LCOR: variants seen among roughly 807,000 people sequenced by gnomAD.
The protein encoded by LCOR is ligand-dependent corepressor.
LCOR carries 14 observed loss-of-function variants against 64.4 expected under a neutral mutation model. That is an observed-to-expected ratio of 0.22 (90% CI 0.14 to 0.34). The LOEUF (loss-of-function observed/expected upper bound fraction) is 0.34, where lower values mean the gene tolerates loss of function less well. Among genes scored for constraint, LCOR ranks in the 10% least tolerant of loss-of-function variants. LCOR has a pLI of 1.00. For missense variants in LCOR, 1,686 were observed against 1,765.3 expected (o/e 0.96, Z 0.80); for synonymous variants, 643 against 642.5 (o/e 1.00, Z -0.01).
chr10:96,875,489 A>T (rs1401761901), intron 2 of LCOR, among the ~76,000 whole-genome samples: 1 of 152,120 alleles, frequency 6.6e-6, no homozygotes, highest in African/African-American at 2.4e-5. Flanking sequence ...AGTGGGATTC[A>T]GCTGCCCTAG....
chr10:96,856,869 A>C (rs1337956746), intron 2 of LCOR, among the ~76,000 whole-genome samples: 1 of 152,018 alleles, frequency 6.6e-6, no homozygotes, highest in East Asian at 1.9e-4. Flanking sequence ...AAAAAAAGTA[A>C]AAAAAATTAT....
At chr10:96,837,004 T>C (rs988955979) in intron 2 of LCOR, among the ~76,000 whole-genome samples, 5 of 151,960 alleles carry the variant, frequency 3.3e-5, no homozygotes, top group African/African-American at 1.2e-4. Context: ...TTTTTTTTTT[T>C]TTTTTGAGAC....
chr10:96,958,656 T>C, intron 7 of LCOR: 1 of 553,392 alleles, frequency 1.8e-6, no homozygotes, highest in Non-Finnish European at 3.2e-6. Flanking sequence ...CTTTTAAACA[T>C]TACACTTGAG....
At chr10:96,897,899 ATC>A (rs1846568457) in intron 2 of LCOR, among the ~76,000 whole-genome samples, 1 of 126,694 alleles carries the variant, frequency 7.9e-6, no homozygotes, top group Non-Finnish European at 1.7e-5. Flanking sequence ...TTGGTCAGAT[ATC>A]TGTTACCCTT....
In LCOR at chr10:96,877,598, ATTTTTTTTTTTTT is replaced by A. The variant is rs57119025; in HGVS notation, c.-329-29648_-329-29636del. 6.2e-4 allele frequency among the ~76,000 whole-genome samples: 41 copies of A among 65,694 alleles called. 1 individual carries two copies. Among genetic ancestry groups the A allele is most frequent in the South Asian group, 2.7e-3 (3 of 1,130 alleles). 43.1% of individuals were successfully genotyped at this position (65,694 alleles called of 152,430 possible). A position where few individuals can be genotyped will look rare whatever the true frequency, so the allele number is the denominator to read the frequency against. On this transcript the variant is annotated intron_variant, in intron 2 of 7. Transcript: ENST00000421806. ...CAAGGGTGTCAACTCATTTTTCTGA[ATTTTTTTTTTTTT>A]TTTTTTTTTTTTTTTTTTGAGACGG...
Position 96,982,542 on chromosome 10 carries a change from A to T in LCOR, c.2082A>T (p.Glu694Asp). The T allele has an allele frequency of 1.2e-6, 2 of 1,614,172 alleles. No individual in the cohort carries two copies. Among genetic ancestry groups the T allele is most frequent in the South Asian group, 2.2e-5 (2 of 91,086 alleles). ...TTTCTAGGCCTCATTCTCCTCCTGA[A>T]ATAGTCAGTAGAGAAGAAAGTCCTC... ...DVISRPHSPP[E>D]IVSREESPQC... Residue 694 changes from glutamate (E) to aspartate (D), a missense_variant, in exon 8 of 8, where the codon GAA (glutamate) becomes GAT (aspartate). By Grantham distance (45) the Glu-to-Asp change is conservative. Around this residue, in one of 3 missense-constraint regions of LCOR, gnomAD observed 1,293 missense variants for 1,410.4 expected, o/e 0.92. Coordinates refer to ENST00000421806, the MANE Select transcript of LCOR (RefSeq NM_001346516.2).
intron 2 of LCOR, among the ~76,000 whole-genome samples, chr10:96,905,558 A>G (rs1327968588): frequency 1.3e-5 from 2 of 152,178 alleles, no homozygotes; most frequent in Non-Finnish European, 2.9e-5. Flanking sequence ...GGCAGTATCT[A>G]GCATTTTCTT....
chr10:96,904,152 A>G (rs1846688083), intron 2 of LCOR, among the ~76,000 whole-genome samples: 1 of 152,224 alleles, frequency 6.6e-6, no homozygotes. Context: ...CCTGTTGAAC[A>G]GTCCCTGGCA....
intron 4 of LCOR, among the ~76,000 whole-genome samples, chr10:96,926,735 C>T (rs546704980): frequency 1.3e-5 from 2 of 152,244 alleles, no homozygotes; most frequent in South Asian, 4.1e-4. Context: ...CCCAGACCTG[C>T]ACAATTATGA....
intron 4 of LCOR, among the ~76,000 whole-genome samples, chr10:96,908,816 C>T (rs1011174122): frequency 5.3e-5 from 8 of 151,928 alleles, no homozygotes; most frequent in Admixed American, 4.6e-4. Context: ...TCCGGGTTTA[C>T]GCCATTCTCC....
intron 7 of LCOR, chr10:96,954,945 C>T: frequency 6.2e-7 from 1 of 1,611,162 alleles, no homozygotes; most frequent in Non-Finnish European, 8.5e-7. Flanking sequence ...TTCCTTCCAT[C>T]CAATTAGGCG....
intron 2 of LCOR, among the ~76,000 whole-genome samples, chr10:96,836,132 A>C (rs948256050): frequency 1.3e-5 from 2 of 152,230 alleles, no homozygotes. Flanking sequence ...TCAGAAAGTT[A>C]TTTCAGATTG....
Position 96,984,162 on chromosome 10 carries a change from C to T in LCOR, c.3702C>T (p.Arg1234=), listed in dbSNP as rs756153716. The T allele has an allele frequency of 1.9e-6, 3 of 1,613,974 alleles. No homozygotes were observed. The Admixed American group carries it at 5.0e-5, about 27-fold the overall frequency. ...ATCCCAGTTCACTACAGGCTGAGCG[C>T]TTGAAAAAGCACTTGAAGAAATTTC... is the stretch of plus-strand genomic sequence containing the variant. ...SLYPSSLQAE[R]LKKHLKKFPG... The change falls in exon 8 of 8, where the codon CGC becomes CGT. Residue 1234 remains arginine, a synonymous_variant. Transcript: ENST00000421806.
In LCOR at chr10:96,984,639, A is replaced by C; in HGVS notation, c.4179A>C (p.Ala1393=). 4 of 1,614,206 alleles carry C rather than the reference A, an allele frequency of 2.5e-6. No homozygotes were observed. The highest frequency in any genetic ancestry group is 1.6e-4 in the Middle Eastern group (1 of 6,062). Reference sequence around the variant, plus strand: ...AGGTGTCTGAAATCTTGCCTAAAGCAGAAGTTCAGAGTAAACGCAAGAGAA... The same window carrying C: ...AGGTGTCTGAAATCTTGCCTAAAGCCGAAGTTCAGAGTAAACGCAAGAGAA... ...GKQVSEILPK[A]EVQSKRKRTE... Residue 1393 remains alanine, a synonymous_variant, in exon 8 of 8, where the codon GCA becomes GCC. Transcript: ENST00000421806.
rs146056176 is a variant in LCOR at position 96,852,982 on chromosome 10, A to G, written c.-330+19503A>G. ...TTGGTTCTCCATTTCTAACAGTTTT[A>G]AAGGTATGCTTGAATAGTAAATTTG... On this transcript the variant is annotated intron_variant, in intron 2 of 7. Transcript: ENST00000421806. Among the ~76,000 whole-genome samples, 86 of 152,332 alleles carry G rather than the reference A, an allele frequency of 5.6e-4. 1 individual carries two copies. The highest frequency in any genetic ancestry group is 1.9e-3 in the African/African-American group (81 of 41,588).
At chr10:96,974,891 G>C (rs896146946) in intron 7 of LCOR, among the ~76,000 whole-genome samples, 2 of 152,142 alleles carry the variant, frequency 1.3e-5, no homozygotes, top group African/African-American at 4.8e-5. Flanking sequence ...GCTATTGGCC[G>C]GGTGCTGTGG....
At chr10:96,908,973 C>G (rs1003444467) in intron 4 of LCOR, among the ~76,000 whole-genome samples, 1 of 152,056 alleles carries the variant, frequency 6.6e-6, no homozygotes, top group Non-Finnish European at 1.5e-5. Context: ...CCTCGGCCTC[C>G]CAAAGTGCTA....
chr10:96,871,045 TAA>T (rs1326986315), intron 2 of LCOR, among the ~76,000 whole-genome samples: 1 of 152,100 alleles, frequency 6.6e-6, no homozygotes, highest in Non-Finnish European at 1.5e-5. Context: ...TGGGATTTTT[TAA>T]GTTTCAAATA....
At chr10:96,972,493 T>A (rs1394359528) in intron 7 of LCOR, among the ~76,000 whole-genome samples, 1 of 152,190 alleles carries the variant, frequency 6.6e-6, no homozygotes, top group African/African-American at 2.4e-5. Context: ...TGCTCTGACT[T>A]CCTGCTCTCC....
Sources: allele counts gnomAD v4.1 joint callset (sites outside exome capture counted in the v4.1 genomes callset), GRCh38; gene constraint gnomAD v4.1.1; regional missense constraint gnomAD v4.1.1; transcripts MANE v1.5; gene names NCBI Gene and HGNC (gene_info 2026-07-23, HGNC 2026-07-21).